Variants in ANKS1B observed in about 807,000 individuals in gnomAD.
The protein encoded by ANKS1B is ankyrin repeat and sterile alpha motif domain-containing protein 1B.
ANKS1B carries 36 observed loss-of-function variants against 148.3 expected under a neutral mutation model. The observed-to-expected ratio is 0.24, with a 90% confidence interval of 0.19 to 0.32. The LOEUF (loss-of-function observed/expected upper bound fraction) is 0.32, where lower values mean the gene tolerates loss of function less well. ANKS1B is among the 10% of genes least tolerant of loss of function. The pLI is 1.00. For missense variants in ANKS1B, 1,157 were observed against 1,542.6 expected, an observed-to-expected ratio of 0.75 and a Z score of 4.19; for synonymous variants, 542 against 560.8, an observed-to-expected ratio of 0.97 and a Z score of 0.47.
chr12:98,897,200 G>C (rs1203498592), intron 17 of ANKS1B, among the ~76,000 whole-genome samples: 2 of 152,098 alleles, frequency 1.3e-5, no homozygotes, highest in African/African-American at 4.8e-5. Context: ...GCCCCATTCA[G>C]CAAAATCGGT....
intron 9 of ANKS1B, among the ~76,000 whole-genome samples, chr12:99,611,245 T>C (rs1007723369): frequency 3.3e-5 from 5 of 152,060 alleles, no homozygotes; most frequent in Middle Eastern, 6.8e-3. Context: ...AAAGTAAGAG[T>C]CACAGAAGTT....
intron 15 of ANKS1B, among the ~76,000 whole-genome samples, chr12:99,127,284 A>T (rs2064682422): frequency 6.6e-6 from 1 of 152,150 alleles, no homozygotes; most frequent in South Asian, 2.1e-4. Context: ...CTCTCAAAGT[A>T]GTCCTCCGTT....
chr12:99,853,334 G>A lies in ANKS1B; in HGVS notation c.135-27945C>T, dbSNP rs143150085. On this transcript the variant is annotated intron_variant, in intron 1 of 26. Transcript: ENST00000683438. ...CAAGGACCCCCATAGAGTCCGCTTT[G>A]CTCCCCTGCTACACCCACAAGAGCA... Among the ~76,000 whole-genome samples the A allele has an allele frequency of 9.3e-3, 1,418 of 152,132 alleles. 23 individuals are homozygous for A. The highest frequency in any genetic ancestry group is 0.032 in the African/African-American group (1,318 of 41,464).
intron 1 of ANKS1B, among the ~76,000 whole-genome samples, chr12:99,837,079 A>G (rs1273849086): frequency 6.6e-6 from 1 of 152,184 alleles, no homozygotes; most frequent in Non-Finnish European, 1.5e-5. Context: ...TGTAATTACA[A>G]GTGGAGAAGA....
Position 99,387,756 on chromosome 12 carries a change from A to G in ANKS1B, c.1756+11875T>C, listed in dbSNP as rs2093926318. Among the ~76,000 whole-genome samples the G allele has an allele frequency of 3.3e-5, 5 of 150,398 alleles. No individual in the cohort carries two copies. In the South Asian group the frequency reaches 1.0e-3, roughly 31 times the overall value. ...CGGTGTGGCCTCCCCAGCTTCTGGAACTCAGGAAAGTTAATTTCTGTGGTT... is the reference window on the plus strand; with the variant it reads ...CGGTGTGGCCTCCCCAGCTTCTGGAGCTCAGGAAAGTTAATTTCTGTGGTT... On this transcript the variant is annotated intron_variant, in intron 12 of 26. Transcript: ENST00000683438.
At chr12:99,883,654 A>G (rs1603431261) in intron 1 of ANKS1B, among the ~76,000 whole-genome samples, 1 of 152,312 alleles carries the variant, frequency 6.6e-6, no homozygotes, top group South Asian at 2.1e-4. Context: ...ACAGTGGCTC[A>G]CGCCTGTAAT....
At chr12:99,520,071 T>C (rs186028070) in intron 9 of ANKS1B, among the ~76,000 whole-genome samples, 15 of 152,346 alleles carry the variant, frequency 9.8e-5, no homozygotes, top group Middle Eastern at 3.4e-3. Flanking sequence ...GCTCATTGTA[T>C]AATCTTTCTA....
Position 99,867,785 on chromosome 12 carries a change from T to C in ANKS1B, c.135-42396A>G, listed in dbSNP as rs1431695019. ...AGAGAACAGGAAAATATAAAACACT[T>C]CCAAATGTGTGTTGTTGTTGTTGTT... On this transcript the variant is annotated intron_variant, in intron 1 of 26. Coordinates refer to ENST00000683438, the MANE Select transcript of ANKS1B (RefSeq NM_001352186.2). Among the ~76,000 whole-genome samples, 8 of 152,072 alleles carry C rather than the reference T, an allele frequency of 5.3e-5. No individual in the cohort carries two copies. The East Asian group carries it at 1.5e-3, about 29-fold the overall frequency.
chr12:99,984,602 C>CGGAGGAGGA lies in ANKS1B; in HGVS notation c.-374_-366dup, dbSNP rs997840567. 3 of 177,104 alleles carry CGGAGGAGGA rather than the reference C, an allele frequency of 1.7e-5. No individual in the cohort carries two copies. Among genetic ancestry groups the CGGAGGAGGA allele is most frequent in the African/African-American group, 7.0e-5 (3 of 42,572 alleles). 11.0% of individuals were successfully genotyped at this position (177,104 alleles called of 1,614,324 possible). On this transcript the variant is annotated 5_prime_UTR_variant, in exon 1 of 27. Transcript: ENST00000683438. ...GGAGGAGGGTGGTGAGGACTGAGGTCGGAGGAGGAGGAGGAGGCGGCAGAG... is the reference window on the plus strand; with the variant it reads ...GGAGGAGGGTGGTGAGGACTGAGGTCGGAGGAGGAGGAGGAGGAGGAGGAGGCGGCAGAG...
intron 17 of ANKS1B, among the ~76,000 whole-genome samples, chr12:98,985,717 TCAA>T (rs2099922916): frequency 1.3e-5 from 2 of 152,248 alleles, no homozygotes; most frequent in Admixed American, 1.3e-4. Context: ...TGTAAACCTC[TCAA>T]CAAATTGTTT....
At chr12:99,313,536 G>A (rs900104516) in intron 12 of ANKS1B, among the ~76,000 whole-genome samples, 52 of 152,072 alleles carry the variant, frequency 3.4e-4, no homozygotes, top group African/African-American at 1.1e-3. Flanking sequence ...CTGGCAAACC[G>A]AATCCAGCAG....
chr12:99,921,854 T>A (rs11836535), intron 1 of ANKS1B, among the ~76,000 whole-genome samples: 1 of 151,968 alleles, frequency 6.6e-6, no homozygotes, highest in Non-Finnish European at 1.5e-5. Context: ...TATAAAAATA[T>A]GAAAAATATA....
chr12:99,484,801 G>A (rs2096465630), intron 10 of ANKS1B, among the ~76,000 whole-genome samples: 1 of 139,314 alleles, frequency 7.2e-6, no homozygotes, highest in South Asian at 2.3e-4. Flanking sequence ...GTGCTTTGAA[G>A]TCAGTTTTGT....
chr12:99,730,255 T>C (rs2059004923), intron 8 of ANKS1B, among the ~76,000 whole-genome samples: 1 of 152,158 alleles, frequency 6.6e-6, no homozygotes, highest in Non-Finnish European at 1.5e-5. Flanking sequence ...ACAGATGGGC[T>C]CCCACAAGCT....
At chr12:99,524,606 C>T (rs1213085765) in intron 9 of ANKS1B, among the ~76,000 whole-genome samples, 1 of 152,094 alleles carries the variant, frequency 6.6e-6, no homozygotes. Context: ...TTTCATGCCG[C>T]TCATAAAGAC....
chr12:98,940,304 C>T (rs1001318623), intron 17 of ANKS1B, among the ~76,000 whole-genome samples: 1 of 152,170 alleles, frequency 6.6e-6, no homozygotes, highest in Admixed American at 6.6e-5. Flanking sequence ...GGAGCCTGAC[C>T]TTGGGTCACA....
chr12:99,430,516 T>G (rs1225234977), intron 11 of ANKS1B, among the ~76,000 whole-genome samples: 8 of 152,214 alleles, frequency 5.3e-5, no homozygotes, highest in Admixed American at 5.2e-4. Context: ...AGTTATTGGC[T>G]TATTGTTAGG....
chr12:99,418,952 A>T (rs1237065875), intron 11 of ANKS1B, among the ~76,000 whole-genome samples: 3 of 152,156 alleles, frequency 2.0e-5, no homozygotes, highest in African/African-American at 4.8e-5. Context: ...TCAAATATTG[A>T]ATGAGTTATG....
intron 8 of ANKS1B, among the ~76,000 whole-genome samples, chr12:99,680,568 G>T (rs921926170): frequency 6.6e-6 from 1 of 152,224 alleles, no homozygotes; most frequent in Non-Finnish European, 1.5e-5. Context: ...CAGGGAGAAA[G>T]AAACTTCCAG....
Sources: gnomAD v4.1 joint callset for allele counts (sites outside exome capture counted in the v4.1 genomes callset) on GRCh38, gnomAD v4.1.1 for gene constraint, MANE v1.5 for transcripts, NCBI Gene and HGNC (gene_info 2026-07-23, HGNC 2026-07-21) for gene names.